WHRN: variants seen among roughly 807,000 people sequenced by gnomAD.
The protein encoded by WHRN is whirlin, also known as CASK-interacting protein CIP98.
WHRN carries 41 observed loss-of-function variants against 68.3 expected under a neutral mutation model. That is an observed-to-expected ratio of 0.60 (90% CI 0.47 to 0.78). The LOEUF is 0.78. Ranked by LOEUF, WHRN falls within the 30% of genes least tolerant of loss-of-function variation. The pLI, the probability that WHRN is intolerant of heterozygous loss-of-function variation, is 0.00. For missense variants in WHRN, 1,243 were observed against 1,244.7 expected (o/e 1.00, Z 0.02); for synonymous variants, 560 against 561.3 (o/e 1.00, Z 0.03).
intron 2 of WHRN, among the ~76,000 whole-genome samples, chr9:114,473,481 G>T (rs74923323): frequency 0.031 from 4,702 of 152,232 alleles, 231 homozygotes; most frequent in African/African-American, 0.11. Flanking sequence ...GTATGACCTG[G>T]GATAATTCAT....
At chr9:114,467,859 G>C (rs997336734) in intron 2 of WHRN, among the ~76,000 whole-genome samples, 2 of 152,208 alleles carry the variant, frequency 1.3e-5, no homozygotes, top group African/African-American at 4.8e-5. Context: ...TCCAAAGAGA[G>C]CACAGTGTGA....
At chr9:114,439,258 T>C (rs1838162166) in intron 3 of WHRN, among the ~76,000 whole-genome samples, 1 of 152,186 alleles carries the variant, frequency 6.6e-6, no homozygotes, top group Non-Finnish European at 1.5e-5. Context: ...GGAAACCCTA[T>C]TCAATGCCAG....
Position 114,402,482 on chromosome 9 carries a change from C to A in WHRN, c.*272G>T. 1.9e-6 allele frequency: 1 copy of A among 518,236 alleles called. No individual in the cohort carries two copies. The highest frequency in any genetic ancestry group is 3.5e-6 in the Non-Finnish European group (1 of 285,300). 32.1% of individuals were successfully genotyped at this position (518,236 alleles called of 1,614,324 possible). On this transcript the variant is annotated 3_prime_UTR_variant, in exon 12 of 12. Coordinates refer to ENST00000362057, the MANE Select transcript of WHRN (RefSeq NM_015404.4). ...CTGGAGAAACCAGCACTCTGCCCTTCCTTTTCCTTTCTTCCTGTCTTGCAA... is the reference window on the plus strand; with the variant it reads ...CTGGAGAAACCAGCACTCTGCCCTTACTTTTCCTTTCTTCCTGTCTTGCAA...
At position 114,449,910 on chromosome 9, in the gene WHRN, A is replaced by G. The variant is rs564394293; in HGVS notation, c.963+16357T>C. Among the ~76,000 whole-genome samples the G allele has an allele frequency of 3.2e-4, 48 of 152,286 alleles. 1 individual carries two copies. The highest frequency in any genetic ancestry group is 2.8e-3 in the Admixed American group (43 of 15,304). ...TGCATTAGCTCATGTTGTCTTGACA[A>G]TATAGTACCTAGGATATAGGTGGTA... On this transcript the variant is annotated intron_variant, in intron 3 of 11. Transcript: ENST00000362057.
intron 1 of WHRN, among the ~76,000 whole-genome samples, chr9:114,499,643 G>A (rs1843750782): frequency 6.6e-6 from 1 of 152,250 alleles, no homozygotes; most frequent in Non-Finnish European, 1.5e-5. Flanking sequence ...TGAGGAGACT[G>A]TACATGTGAT....
intron 1 of WHRN, among the ~76,000 whole-genome samples, chr9:114,482,272 C>T (rs981595341): frequency 6.6e-6 from 1 of 152,162 alleles, no homozygotes; most frequent in Non-Finnish European, 1.5e-5. Context: ...GTAAATATTG[C>T]CCCCAAAAGA....
In WHRN at chr9:114,403,903, T is replaced by C; in HGVS notation, c.2411A>G (p.Asn804Ser). The C allele has an allele frequency of 1.9e-6, 3 of 1,610,790 alleles. No homozygotes were observed. The highest frequency in any genetic ancestry group is 2.5e-6 in the Non-Finnish European group (3 of 1,180,004). The change falls in exon 10 of 12, where the codon AAC becomes AGC. Residue 804 changes from asparagine (N) to serine (S), a missense_variant. Transcript: ENST00000362057. Reference sequence around the variant, plus strand: ...CTCCTCCTCCTGGCTCACCGGTTTGTTGGCCCCATCTGTGGGCCTCTCGTT... The same window carrying C: ...CTCCTCCTCCTGGCTCACCGGTTTGCTGGCCCCATCTGTGGGCCTCTCGTT... The part of the protein sequence containing the change: ...PRNERPTDGA[N>S]KPPGLLEPTS...
intron 2 of WHRN, among the ~76,000 whole-genome samples, chr9:114,475,873 G>T (rs918431093): frequency 2.0e-5 from 3 of 152,174 alleles, no homozygotes; most frequent in Admixed American, 6.5e-5. Context: ...TGTGGAATCT[G>T]GGACGGCCTG....
rs775241108 is a variant in WHRN, at chr9:114,504,761, G to A, written c.41C>T (p.Ser14Phe). The change falls in exon 1 of 12, where the codon TCC (serine) becomes TTC (phenylalanine). Residue 14 changes from serine to phenylalanine, a missense_variant. Ser to Phe is a radical substitution (Grantham distance 155). Coordinates refer to ENST00000362057, the MANE Select transcript of WHRN (RefSeq NM_015404.4). ...PLDGLSVSSS[S>F]TGSLGSAAGA... Reference sequence around the variant, plus strand: ...GGCCGCCGAGCCCAGCGAGCCGGTGGAGGACGAGCTCACCGACAGGCCGTC... The same window carrying A: ...GGCCGCCGAGCCCAGCGAGCCGGTGAAGGACGAGCTCACCGACAGGCCGTC... 1.3e-6 allele frequency: 2 copies of A among 1,504,074 alleles called. No homozygotes were observed. The highest frequency in any genetic ancestry group is 1.8e-6 in the Non-Finnish European group (2 of 1,136,618). The allele number at this position is 1,504,074 out of a possible 1,614,324, so 93.2% of individuals were successfully genotyped here.
At chr9:114,444,756 A>C (rs534968586) in intron 3 of WHRN, among the ~76,000 whole-genome samples, 3 of 151,922 alleles carry the variant, frequency 2.0e-5, no homozygotes, top group African/African-American at 4.8e-5. Context: ...TATTTTGCAA[A>C]GGTCTTTCTC....
At chr9:114,419,368 T>C (rs948792787) in intron 7 of WHRN, among the ~76,000 whole-genome samples, 15 of 152,202 alleles carry the variant, frequency 9.9e-5, no homozygotes, top group Non-Finnish European at 1.9e-4. Flanking sequence ...TTGTTATTAA[T>C]AAAGGCCCAA....
intron 3 of WHRN, among the ~76,000 whole-genome samples, chr9:114,465,585 G>A (rs1840611071): frequency 6.6e-6 from 1 of 152,114 alleles, no homozygotes; most frequent in Admixed American, 6.6e-5. Context: ...GGGTGTCCTG[G>A]GTCCAGCATC....
At chr9:114,407,385 G>A (rs906329745) in intron 8 of WHRN, among the ~76,000 whole-genome samples, 58 of 152,154 alleles carry the variant, frequency 3.8e-4, no homozygotes, top group Non-Finnish European at 7.3e-5. Context: ...TCTGGGCAAT[G>A]GGGAAAAGCA....
intron 4 of WHRN, chr9:114,425,488 A>AT: frequency 8.1e-6 from 3 of 369,878 alleles, no homozygotes; most frequent in East Asian, 4.8e-5. Context: ...CCAGAAATCC[A>AT]GTTTTTTTTT....
intron 3 of WHRN, among the ~76,000 whole-genome samples, chr9:114,429,647 AG>A (rs1485059817): frequency 6.6e-6 from 1 of 152,186 alleles, no homozygotes; most frequent in African/African-American, 2.4e-5. Flanking sequence ...AAAGAGCGTG[AG>A]ACAAGACCCA....
rs78381281 is a variant in WHRN, at chr9:114,473,270, G to T, written c.837+5283C>A. On this transcript the variant is annotated intron_variant, in intron 2 of 11. Transcript: ENST00000362057. ...GTTCTACAAATAGCTGTTCCTGCCCGCATCATTCCTCCGAGCAGATTCCAG... is the reference window on the plus strand; with the variant it reads ...GTTCTACAAATAGCTGTTCCTGCCCTCATCATTCCTCCGAGCAGATTCCAG... 2.3e-4 allele frequency among the ~76,000 whole-genome samples: 35 copies of T among 152,328 alleles called. No homozygotes were observed. The East Asian group carries it at 6.7e-3, about 29-fold the overall frequency.
At chr9:114,493,154 A>G (rs1490442741) in intron 1 of WHRN, among the ~76,000 whole-genome samples, 1 of 151,998 alleles carries the variant, frequency 6.6e-6, no homozygotes, top group African/African-American at 2.4e-5. Context: ...GTTTGAGACC[A>G]GCCTGGGCGA....
chr9:114,490,984 G>A (rs149757569), intron 1 of WHRN, among the ~76,000 whole-genome samples: 1 of 152,216 alleles, frequency 6.6e-6, no homozygotes, highest in East Asian at 1.9e-4. Flanking sequence ...GTTCTTTTAA[G>A]TTTTGTCTGT....
rs1005010329 is a variant in WHRN at position 114,457,074 on chromosome 9, C to T, written c.963+9193G>A. Among the ~76,000 whole-genome samples the T allele has an allele frequency of 2.6e-5, 4 of 152,144 alleles. No homozygotes were observed. The East Asian group carries it at 5.8e-4, about 22-fold the overall frequency. The stretch of plus-strand genomic sequence containing the variant: ...ACACAGAGATGAATACATACAGATA[C>T]GGGTATGTGTGCATGCATGAGTCAT... On this transcript the variant is annotated intron_variant, in intron 3 of 11. Transcript: ENST00000362057.
Sources: allele counts gnomAD v4.1 joint callset (sites outside exome capture counted in the v4.1 genomes callset), GRCh38; gene constraint gnomAD v4.1.1; transcripts MANE v1.5; gene names NCBI Gene and HGNC (gene_info 2026-07-23, HGNC 2026-07-21).